The following DAB1 variants were observed in gnomAD, a reference collection of about 807,000 sequenced individuals.
DAB1 encodes disabled homolog 1.
In DAB1, 15 loss-of-function variants were observed where a neutral mutation model predicts 64.6. That is an observed-to-expected ratio of 0.23 (90% CI 0.16 to 0.36). The LOEUF (loss-of-function observed/expected upper bound fraction) is 0.36. Among genes scored for constraint, DAB1 ranks in the 10% least tolerant of loss-of-function variants. The pLI is 1.00. For synonymous variants in DAB1, 235 were observed against 251.9 expected (o/e 0.93, Z 0.64); for missense variants, 596 against 706.7 (o/e 0.84, Z 1.78).
At position 57,072,321 on chromosome 1, in the gene DAB1, C is replaced by T. The variant is rs764463325; in HGVS notation, c.400G>A (p.Gly134Arg). 1 of 1,613,902 alleles carries T rather than the reference C, an allele frequency of 6.2e-7. No individual in the cohort carries two copies. The highest frequency in any genetic ancestry group is 1.1e-5 in the South Asian group (1 of 91,072). Residue 134 changes from glycine to arginine, a missense_variant, in exon 5 of 15, where the codon GGG becomes AGG. Coordinates refer to ENST00000371236, the MANE Select transcript of DAB1 (RefSeq NM_001365792.1). ...TTTATGGCCACAAATCTGTGATTCC[C>T]TTCCTTCCCACAAACATATCCAAAG... ...RAFGYVCGKE[G>R]NHRFVAIKTA... is the part of the protein sequence containing the mutation.
At chr1:57,446,534 G>T (rs1686146008) in intron 7 of DAB1, among the ~76,000 whole-genome samples, 1 of 148,832 alleles carries the variant, frequency 6.7e-6, no homozygotes, top group Non-Finnish European at 1.5e-5. Flanking sequence ...GGAGGTGGAG[G>T]TTGCAGTGAG....
At chr1:57,498,701 C>T (rs1644256697) in intron 7 of DAB1, among the ~76,000 whole-genome samples, 1 of 152,156 alleles carries the variant, frequency 6.6e-6, no homozygotes, top group Non-Finnish European at 1.5e-5. Context: ...CAATAAGAGA[C>T]AGACCTTTTA....
At chr1:57,622,532 T>C (rs1246757154) in intron 7 of DAB1, among the ~76,000 whole-genome samples, 2 of 152,232 alleles carry the variant, frequency 1.3e-5, no homozygotes, top group African/African-American at 4.8e-5. Context: ...CACCACATTT[T>C]AGTGTGTTTA....
chr1:58,274,941 T>G (rs1398338097), intron 4 of DAB1, among the ~76,000 whole-genome samples: 1 of 142,902 alleles, frequency 7.0e-6, no homozygotes, highest in East Asian at 2.0e-4. Flanking sequence ...GTACCTCAGA[T>G]GGAAATGCAG....
At chr1:57,975,649 A>G (rs1489968252) in intron 5 of DAB1, among the ~76,000 whole-genome samples, 1 of 152,198 alleles carries the variant, frequency 6.6e-6, no homozygotes, top group East Asian at 1.9e-4. Flanking sequence ...TGTCTCAGGT[A>G]CTATGCTAAA....
intron 5 of DAB1, among the ~76,000 whole-genome samples, chr1:57,913,805 A>G (rs1433982602): frequency 2.6e-5 from 4 of 152,238 alleles, no homozygotes; most frequent in Admixed American, 1.3e-4. Flanking sequence ...GACACTTCTC[A>G]AAAGAAGACA....
chr1:57,857,938 G>GAA lies in DAB1; in HGVS notation n.87+26059_87+26060dup, dbSNP rs57573578. 1.9e-3 allele frequency among the ~76,000 whole-genome samples: 229 copies of GAA among 121,464 alleles called. 4 individuals carry two copies. In the South Asian group the frequency reaches 0.048, roughly 26 times the overall value. The allele number at this position is 121,464 out of a possible 152,430, so 79.7% of individuals were successfully genotyped here. A position where few individuals can be genotyped will look rare whatever the true frequency, so the allele number is the denominator to read the frequency against. On this transcript the variant is annotated intron_variant and non_coding_transcript_variant, in intron 1 of 1. Transcript: ENST00000477280. ...CTTATTTTTAAAATTTAAAAAGAAA[G>GAA]AAAAAAAAAAAACAAAACAAAGCCC...
intron 4 of DAB1, among the ~76,000 whole-genome samples, chr1:58,182,643 T>C (rs1201209695): frequency 6.6e-6 from 1 of 152,004 alleles, no homozygotes; most frequent in Non-Finnish European, 1.5e-5. Context: ...TGGTTCTTTT[T>C]TTTGGTAATT....
At chr1:57,854,785 TA>T (rs1234996938) in intron 1 of DAB1, among the ~76,000 whole-genome samples, 1 of 152,172 alleles carries the variant, frequency 6.6e-6, no homozygotes, top group Non-Finnish European at 1.5e-5. Flanking sequence ...AAGATTTGGC[TA>T]AGGCGGTTAT....
chr1:57,506,349 T>C (rs1644343319), intron 7 of DAB1, among the ~76,000 whole-genome samples: 1 of 151,544 alleles, frequency 6.6e-6, no homozygotes, highest in Non-Finnish European at 1.5e-5. Context: ...TTGCTTATTC[T>C]TCCCTGGTAG....
intron 5 of DAB1, among the ~76,000 whole-genome samples, chr1:58,026,269 C>G (rs954721437): frequency 6.6e-6 from 1 of 152,264 alleles, no homozygotes; most frequent in African/African-American, 2.4e-5. Context: ...GAAAGAATAT[C>G]GCAAGAAGGC....
chr1:58,369,015 A>T (rs139115933), intron 3 of DAB1, among the ~76,000 whole-genome samples: 141 of 152,316 alleles, frequency 9.3e-4, no homozygotes, highest in African/African-American at 3.3e-3. Flanking sequence ...CTTGTCTCAA[A>T]AAAAAAGTAG....
chr1:57,955,600 C>T lies in DAB1; in HGVS notation n.388-71438G>A, dbSNP rs192876309. 5.3e-3 allele frequency among the ~76,000 whole-genome samples: 812 copies of T among 152,112 alleles called. 7 individuals are homozygous for T. The highest frequency in any genetic ancestry group is 9.8e-3 in the Admixed American group (149 of 15,274). ...GAAAAGTGTAGAAGTTGGAATAATA[C>T]GATATGCTTTTTACAAATAAGACAA... On this transcript the variant is annotated intron_variant and non_coding_transcript_variant, in intron 5 of 20. Transcript: ENST00000485760.
At chr1:57,553,508 G>GGAAGGAAGGAAGGAAGAA (rs1553193809) in intron 7 of DAB1, among the ~76,000 whole-genome samples, 10 of 147,594 alleles carry the variant, frequency 6.8e-5, no homozygotes, top group Admixed American at 2.0e-4. Flanking sequence ...AAGGAAGGAA[G>GGAAGGAAGGAAGGAAGAA]AGAGAGAGAG....
intron 4 of DAB1, among the ~76,000 whole-genome samples, chr1:58,329,210 A>T (rs1282594517): frequency 6.6e-6 from 1 of 152,260 alleles, no homozygotes; most frequent in African/African-American, 2.4e-5. Flanking sequence ...CACTACTAAT[A>T]ACCACTACAT....
At chr1:57,772,574 ATGTTTAACT>A (rs146850904) in intron 6 of DAB1, among the ~76,000 whole-genome samples, 2,142 of 152,218 alleles carry the variant, frequency 0.014, 71 homozygotes, top group African/African-American at 0.049. Context: ...GGGTGACAGT[ATGTTTAACT>A]TTATAAGAAA....
intron 7 of DAB1, among the ~76,000 whole-genome samples, chr1:57,533,450 C>T (rs779122678): frequency 2.0e-5 from 3 of 150,518 alleles, no homozygotes; most frequent in African/African-American, 7.3e-5. Flanking sequence ...AAAACATTTA[C>T]AGTAAAATAG....
At chr1:57,519,142 G>C (rs565999191) in intron 7 of DAB1, among the ~76,000 whole-genome samples, 1 of 152,170 alleles carries the variant, frequency 6.6e-6, no homozygotes, top group East Asian at 1.9e-4. Flanking sequence ...CTATTACTTC[G>C]AGTCTCAGCA....
intron 9 of DAB1, among the ~76,000 whole-genome samples, chr1:57,030,547 G>A (rs980811137): frequency 6.6e-6 from 1 of 152,230 alleles, no homozygotes; most frequent in African/African-American, 2.4e-5. Flanking sequence ...CCAACATGAA[G>A]GTGGGAGAGA....
Sources: gnomAD v4.1 joint callset for allele counts (sites outside exome capture counted in the v4.1 genomes callset) on GRCh38, gnomAD v4.1.1 for gene constraint, MANE v1.5 for transcripts, NCBI Gene and HGNC (gene_info 2026-07-23, HGNC 2026-07-21) for gene names.